Variants in XKR6 observed in about 807,000 individuals in gnomAD.
The protein encoded by XKR6 is XK related 6, also known as XK-related protein 6.
Under a neutral mutation model 56.7 loss-of-function variants are expected in XKR6, and 22 were observed. The ratio of observed to expected loss-of-function variants is 0.39; its 90% CI spans 0.28 to 0.55. The LOEUF is 0.55. Ranked by LOEUF, XKR6 falls within the 20% of genes least tolerant of loss-of-function variation. XKR6 has a pLI of 0.66. For missense variants in XKR6, 852 were observed against 889.0 expected (o/e 0.96, Z 0.53); for synonymous variants, 524 against 387.8 (o/e 1.35, Z -4.13).
At chr8:11,005,844 T>C (rs1313640435) in intron 1 of XKR6, among the ~76,000 whole-genome samples, 2 of 141,330 alleles carry the variant, frequency 1.4e-5, no homozygotes, top group Non-Finnish European at 3.1e-5. Flanking sequence ...CTTTCTTTCT[T>C]TTTTTTTTTT....
At chr8:10,988,929 C>T (rs1191087586) in intron 1 of XKR6, among the ~76,000 whole-genome samples, 1 of 152,206 alleles carries the variant, frequency 6.6e-6, no homozygotes, top group Non-Finnish European at 1.5e-5. Context: ...GTGTCTTAGG[C>T]AACTCACAGC....
chr8:11,102,053 G>C (rs1798503362), intron 1 of XKR6, among the ~76,000 whole-genome samples: 1 of 152,220 alleles, frequency 6.6e-6, no homozygotes, highest in Non-Finnish European at 1.5e-5. Flanking sequence ...AGGGCTTCTG[G>C]ATGGGTCCAG....
rs189674620 is a variant in XKR6, at chr8:11,132,932, T to C, written c.764+67644A>G. Among the ~76,000 whole-genome samples, 109 of 151,994 alleles carry C rather than the reference T, an allele frequency of 7.2e-4. 1 individual carries two copies. The highest frequency in any genetic ancestry group is 1.2e-3 in the Non-Finnish European group (80 of 67,986). ...TAAAGACAAAAGTTGCTTTTCAATTTAGACTAAAAAGATACAAGTAAAAAA... is the reference window on the plus strand; with the variant it reads ...TAAAGACAAAAGTTGCTTTTCAATTCAGACTAAAAAGATACAAGTAAAAAA... On this transcript the variant is annotated intron_variant, in intron 1 of 2. Coordinates refer to ENST00000416569, the MANE Select transcript of XKR6 (RefSeq NM_173683.4).
At position 10,969,709 on chromosome 8, in the gene XKR6, G is replaced by C. The variant is rs568331884; in HGVS notation, c.765-44879C>G. ...TCTTTAACAAGGACTGAACGTGAAA[G>C]ATGGAAACAGGAGCCCCCCACCCAC... On this transcript the variant is annotated intron_variant, in intron 1 of 2. Coordinates refer to ENST00000416569, the MANE Select transcript of XKR6 (RefSeq NM_173683.4). 4.5e-4 allele frequency among the ~76,000 whole-genome samples: 69 copies of C among 152,338 alleles called. 1 individual carries two copies. Among genetic ancestry groups the C allele is most frequent in the African/African-American group, 1.6e-3 (68 of 41,580 alleles).
At chr8:10,909,141 G>C (rs986415698) in intron 2 of XKR6, among the ~76,000 whole-genome samples, 1 of 150,714 alleles carries the variant, frequency 6.6e-6, no homozygotes, top group Non-Finnish European at 1.5e-5. Context: ...ACTCCAGCCT[G>C]GATGACAGAG....
At chr8:10,937,135 CTTCATTTCA>C (rs1364161867) in intron 1 of XKR6, among the ~76,000 whole-genome samples, 2 of 86,716 alleles carry the variant, frequency 2.3e-5, no homozygotes, top group Non-Finnish European at 4.6e-5. Context: ...TCCCTTCTCG[CTTCATTTCA>C]TTCATTTCAT....
chr8:11,169,037 C>A (rs1028481335), intron 1 of XKR6, among the ~76,000 whole-genome samples: 2 of 152,126 alleles, frequency 1.3e-5, no homozygotes, highest in Non-Finnish European at 2.9e-5. Flanking sequence ...AGGTCCCAGG[C>A]CAAGGTCCTG....
intron 2 of XKR6, among the ~76,000 whole-genome samples, chr8:10,911,923 G>T (rs1002642913): frequency 4.0e-5 from 6 of 149,848 alleles, no homozygotes; most frequent in Admixed American, 1.3e-4. Flanking sequence ...GAGAGGGAGG[G>T]TGAGACTGTA....
At chr8:10,946,799 GT>G (rs1801561646) in intron 1 of XKR6, among the ~76,000 whole-genome samples, 1 of 152,160 alleles carries the variant, frequency 6.6e-6, no homozygotes, top group Non-Finnish European at 1.5e-5. Context: ...TGGCAACCAG[GT>G]TGGAACAGCA....
chr8:11,159,978 T>C (rs1801711483), intron 1 of XKR6, among the ~76,000 whole-genome samples: 1 of 152,094 alleles, frequency 6.6e-6, no homozygotes, highest in African/African-American at 2.4e-5. Context: ...GCCGATAAAA[T>C]AACCAACCAG....
At chr8:11,123,741 C>T in intron 1 of XKR6, 1 of 420,218 alleles carries the variant, frequency 2.4e-6, no homozygotes, top group South Asian at 1.7e-5. Context: ...ATATGCACCC[C>T]TACCCCGGGA....
chr8:11,112,156 T>C (rs181540624), intron 1 of XKR6, among the ~76,000 whole-genome samples: 1 of 152,340 alleles, frequency 6.6e-6, no homozygotes, highest in East Asian at 1.9e-4. Flanking sequence ...TCCACATTCA[T>C]AATTTGAGCC....
chr8:11,187,158 C>CAT (rs1803316635), intron 1 of XKR6, among the ~76,000 whole-genome samples: 2 of 152,208 alleles, frequency 1.3e-5, no homozygotes, highest in Non-Finnish European at 2.9e-5. Flanking sequence ...ATTCCTGCTT[C>CAT]ATGTGTGTTG....
intron 1 of XKR6, among the ~76,000 whole-genome samples, chr8:11,004,819 G>A (rs572984758): frequency 6.6e-6 from 1 of 152,288 alleles, no homozygotes; most frequent in East Asian, 1.9e-4. Flanking sequence ...ATGGATAAAC[G>A]TGTAGTTTAC....
chr8:10,961,951 G>A lies in XKR6; in HGVS notation c.765-37121C>T, dbSNP rs569074490. Reference sequence around the variant, plus strand: ...CATTTAGTATTCATCCAACACAAACGCATAGCTATTATACACCACCTTTCT... The same window carrying A: ...CATTTAGTATTCATCCAACACAAACACATAGCTATTATACACCACCTTTCT... On this transcript the variant is annotated intron_variant, in intron 1 of 2. Transcript: ENST00000416569. Among the ~76,000 whole-genome samples, 8 of 152,208 alleles carry A rather than the reference G, an allele frequency of 5.3e-5. No homozygotes were observed. The East Asian group carries it at 5.8e-4, about 11-fold the overall frequency.
At chr8:11,154,614 G>C (rs1461524769) in intron 1 of XKR6, among the ~76,000 whole-genome samples, 3 of 152,240 alleles carry the variant, frequency 2.0e-5, no homozygotes, top group East Asian at 1.9e-4. Context: ...TGAGAAGTGA[G>C]AGTAGTCTTG....
At chr8:11,168,200 C>A (rs1215126250) in intron 1 of XKR6, among the ~76,000 whole-genome samples, 1 of 152,186 alleles carries the variant, frequency 6.6e-6, no homozygotes, top group South Asian at 2.1e-4. Flanking sequence ...ACGAAATTAA[C>A]TGACAGAACA....
At chr8:11,021,164 C>G (rs1047620966) in intron 1 of XKR6, among the ~76,000 whole-genome samples, 2 of 152,186 alleles carry the variant, frequency 1.3e-5, no homozygotes, top group Admixed American at 6.5e-5. Flanking sequence ...CTCAGAGTCT[C>G]AGACCAGAAA....
intron 1 of XKR6, among the ~76,000 whole-genome samples, chr8:11,072,971 A>C (rs977353894): frequency 6.6e-6 from 1 of 151,964 alleles, no homozygotes; most frequent in African/African-American, 2.4e-5. Flanking sequence ...AATTGCTTCA[A>C]CCTGGGAGGC....
Sources: allele counts gnomAD v4.1 joint callset (sites outside exome capture counted in the v4.1 genomes callset), GRCh38; gene constraint gnomAD v4.1.1; transcripts MANE v1.5; gene names NCBI Gene and HGNC (gene_info 2026-07-23, HGNC 2026-07-21).